Variants in GRAP2 observed in about 807,000 individuals in gnomAD.
GRAP2 encodes GRB2 related adaptor protein 2, also known as GRB2-related adapter protein 2.
In GRAP2, 31 loss-of-function variants were observed where a neutral mutation model predicts 43.5. The observed-to-expected ratio is 0.71, with a 90% CI of 0.54 to 0.96. GRAP2 has a LOEUF of 0.96. Ranked by LOEUF, GRAP2 falls within the 40% of genes least tolerant of loss-of-function variation. GRAP2 has a pLI of 0.00. For missense variants in GRAP2, 371 were observed against 424.4 expected, an observed-to-expected ratio of 0.87 and a Z score of 1.11; for synonymous variants, 156 against 164.8, an observed-to-expected ratio of 0.95 and a Z score of 0.41.
In GRAP2 at chr22:39,973,285, T is replaced by C. The variant is rs1169819968; in HGVS notation, c.*2201T>C. On this transcript the variant is annotated 3_prime_UTR_variant, in exon 8 of 8. Coordinates refer to ENST00000344138, the MANE Select transcript of GRAP2 (RefSeq NM_004810.4). The stretch of plus-strand genomic sequence containing the variant: ...TGTGATTCGATTCTGGTGGAGACTT[T>C]GTGCCTTGAAAGGCTTCTCAGGAAA... 2.0e-5 allele frequency: 3 copies of C among 152,246 alleles called. No individual in the cohort carries two copies. Among genetic ancestry groups the C allele is most frequent in the Non-Finnish European group, 1.5e-5 (1 of 68,052 alleles). The allele number at this position is 152,246 out of a possible 1,614,324, so 9.4% of individuals were successfully genotyped here.
At position 39,909,630 on chromosome 22, in the gene GRAP2, C is replaced by CA. The variant is rs950665759; in HGVS notation, c.-15+8308dup. On this transcript the variant is annotated intron_variant, in intron 1 of 7. Coordinates refer to ENST00000344138, the MANE Select transcript of GRAP2 (RefSeq NM_004810.4). ...CTGAGAACACTTTGGGAAATAAAAG[C>CA]AAAAAAAACATTGGGTCCTTTCCCC... 9.3e-5 allele frequency among the ~76,000 whole-genome samples: 14 copies of CA among 150,964 alleles called. No individual in the cohort carries two copies. In the East Asian group the frequency reaches 1.2e-3, roughly 13 times the overall value.
chr22:39,932,121 G>A (rs182375459), intron 1 of GRAP2, among the ~76,000 whole-genome samples: 2 of 152,324 alleles, frequency 1.3e-5, no homozygotes, highest in Non-Finnish European at 2.9e-5. Context: ...GTTGCATGAG[G>A]TGAGGGGCAG....
At chr22:39,902,518 G>GT (rs928516254) in intron 1 of GRAP2, among the ~76,000 whole-genome samples, 4 of 151,444 alleles carry the variant, frequency 2.6e-5, no homozygotes, top group African/African-American at 9.7e-5. Context: ...ACCCTTTTTT[G>GT]TTTTTTTGTA....
chr22:39,934,931 T>C (rs962791374), intron 1 of GRAP2, among the ~76,000 whole-genome samples: 1 of 152,174 alleles, frequency 6.6e-6, no homozygotes, highest in Non-Finnish European at 1.5e-5. Context: ...AAAATCTTCA[T>C]GTACAAATGA....
intron 1 of GRAP2, among the ~76,000 whole-genome samples, chr22:39,911,389 C>CTGCCCTGGAG (rs2066564628): frequency 6.6e-6 from 1 of 151,780 alleles, no homozygotes; most frequent in African/African-American, 2.4e-5. Flanking sequence ...CATCACCTCC[C>CTGCCCTGGAG]CCAGCCCCAT....
In GRAP2 at chr22:39,969,435, A is replaced by T; in HGVS notation, c.715A>T (p.Ile239Leu). Residue 239 changes from isoleucine (I) to leucine (L), a missense_variant, in exon 7 of 8, where the codon ATA becomes TTA. Transcript: ENST00000344138. ...GGAACGCCGAGGAGGCAGCCTTGAC[A>T]TAAATGATGGGCATTGTGGCACCGG... is the stretch of plus-strand genomic sequence containing the variant. The part of the protein sequence containing the change: ...HQERRGGSLD[I>L]NDGHCGTGLG... 3 of 1,614,082 alleles carry T rather than the reference A, an allele frequency of 1.9e-6. No individual in the cohort carries two copies. The highest frequency in any genetic ancestry group is 2.5e-6 in the Non-Finnish European group (3 of 1,179,930).
rs186067651 is a variant in GRAP2, at chr22:39,905,965, A to G, written c.-15+4635A>G. 3.3e-5 allele frequency among the ~76,000 whole-genome samples: 5 copies of G among 152,342 alleles called. No homozygotes were observed. In the East Asian group the frequency reaches 9.6e-4, roughly 29 times the overall value. Reference sequence around the variant, plus strand: ...TTTAATTCATCTGAATAAGAACAGCATTCCACTAAGCCCAGATAAGTACTC... The same window carrying G: ...TTTAATTCATCTGAATAAGAACAGCGTTCCACTAAGCCCAGATAAGTACTC... On this transcript the variant is annotated intron_variant, in intron 1 of 7. Transcript: ENST00000344138.
intron 1 of GRAP2, among the ~76,000 whole-genome samples, chr22:39,942,583 G>A (rs141801201): frequency 6.4e-4 from 96 of 150,312 alleles, no homozygotes; most frequent in African/African-American, 2.2e-3. Context: ...CCAGGAGTTC[G>A]AGACCAGCCT....
At chr22:39,922,275 G>A (rs2066659571) in intron 1 of GRAP2, among the ~76,000 whole-genome samples, 1 of 152,184 alleles carries the variant, frequency 6.6e-6, no homozygotes, top group Admixed American at 6.5e-5. Context: ...CCTTGGGGCA[G>A]AAGGGAGGGA....
intron 4 of GRAP2, among the ~76,000 whole-genome samples, chr22:39,965,196 C>T (rs1399112481): frequency 6.6e-6 from 1 of 152,218 alleles, no homozygotes; most frequent in Non-Finnish European, 1.5e-5. Context: ...TCAAGACCAG[C>T]CTGACCAACA....
rs577334143 is a variant in GRAP2, at chr22:39,925,612, G to A, written c.-14-21481G>A. 3.9e-5 allele frequency among the ~76,000 whole-genome samples: 6 copies of A among 152,264 alleles called. No homozygotes were observed. In the South Asian group the frequency reaches 1.2e-3, roughly 32 times the overall value. On this transcript the variant is annotated intron_variant, in intron 1 of 7. Coordinates refer to ENST00000344138, the MANE Select transcript of GRAP2 (RefSeq NM_004810.4). ...TCAGCATGTGGCCTCAGATCTTCCT[G>A]TGCTCCAGCAGTGCTTCTGAGGCCA...
At chr22:39,968,646 A>G (rs2067204172) in intron 6 of GRAP2, 1 of 264,134 alleles carries the variant, frequency 3.8e-6, no homozygotes, top group Non-Finnish European at 7.1e-6. Flanking sequence ...AATACCCACA[A>G]CAGAGCCTTG....
At chr22:39,941,501 GACAAACT>G (rs2066870882) in intron 1 of GRAP2, among the ~76,000 whole-genome samples, 1 of 152,172 alleles carries the variant, frequency 6.6e-6, no homozygotes, top group South Asian at 2.1e-4. Flanking sequence ...ATCAGGGTTT[GACAAACT>G]ACAGCCAGTG....
At chr22:39,929,139 T>C (rs1212744290) in intron 1 of GRAP2, among the ~76,000 whole-genome samples, 2 of 152,254 alleles carry the variant, frequency 1.3e-5, no homozygotes, top group African/African-American at 4.8e-5. Context: ...TTTAATGGTA[T>C]TGTAGCAATA....
chr22:39,958,664 T>C (rs2067083823), intron 3 of GRAP2, among the ~76,000 whole-genome samples: 1 of 152,258 alleles, frequency 6.6e-6, no homozygotes, highest in African/African-American at 2.4e-5. Flanking sequence ...CCCTATCAGA[T>C]TGCAGTCAGA....
chr22:39,927,379 A>C (rs2066714820), intron 1 of GRAP2, among the ~76,000 whole-genome samples: 1 of 152,240 alleles, frequency 6.6e-6, no homozygotes, highest in Non-Finnish European at 1.5e-5. Flanking sequence ...CTGAAAAAAC[A>C]GTCCCTTGCA....
chr22:39,914,145 A>G (rs2066586650), intron 1 of GRAP2, among the ~76,000 whole-genome samples: 1 of 152,172 alleles, frequency 6.6e-6, no homozygotes, highest in African/African-American at 2.4e-5. Context: ...TTTGTTAAAT[A>G]AAAGCTGTGT....
rs956689727 is a variant in GRAP2 at position 39,928,553 on chromosome 22, G to A, written c.-14-18540G>A. 5.9e-5 allele frequency among the ~76,000 whole-genome samples: 9 copies of A among 152,230 alleles called. No homozygotes were observed. In the East Asian group the frequency reaches 1.7e-3, roughly 29 times the overall value. ...TTAAATCCCTGGCATTTATGGAGGAGCCTACTGTGTTGGGTGCTATGGGTT... is the reference window on the plus strand; with the variant it reads ...TTAAATCCCTGGCATTTATGGAGGAACCTACTGTGTTGGGTGCTATGGGTT... On this transcript the variant is annotated intron_variant, in intron 1 of 7. Coordinates refer to ENST00000344138, the MANE Select transcript of GRAP2 (RefSeq NM_004810.4).
intron 1 of GRAP2, 140 bp downstream of exon 1, chr22:39,901,470 T>C: frequency 5.4e-6 from 2 of 369,020 alleles, no homozygotes; most frequent in Non-Finnish European, 1.1e-5. Context: ...TCAGCTAAGG[T>C]CTCTAAACCT....
Sources: allele counts gnomAD v4.1 joint callset (sites outside exome capture counted in the v4.1 genomes callset), GRCh38; gene constraint gnomAD v4.1.1; transcripts MANE v1.5; gene names NCBI Gene and HGNC (gene_info 2026-07-23, HGNC 2026-07-21).